The following EMC4 variants were observed in gnomAD, a reference collection of about 807,000 sequenced individuals.
The protein encoded by EMC4 is cell proliferation-inducing gene 17 protein.
A neutral mutation model predicts 24.2 loss-of-function variants in EMC4; 9 were observed. That is an observed-to-expected ratio of 0.37 (90% CI 0.22 to 0.65). The LOEUF (loss-of-function observed/expected upper bound fraction) is 0.65, where lower values mean the gene tolerates loss of function less well. EMC4 is among the 30% of genes least tolerant of loss of function. The pLI, the probability that EMC4 is intolerant of heterozygous loss-of-function variation, is 0.59. For synonymous variants in EMC4, 86 were observed against 81.1 expected, an observed-to-expected ratio of 1.06 and a Z score of -0.32; for missense variants, 169 against 234.6, an observed-to-expected ratio of 0.72 and a Z score of 1.83.
chr15:34,229,130 C>A lies in EMC4; in HGVS notation c.516+541C>A, dbSNP rs1890754229. 3 of 152,912 alleles carry A rather than the reference C, an allele frequency of 2.0e-5. No homozygotes were observed. The Admixed American group carries it at 2.0e-4, about 10-fold the overall frequency. The allele number at this position is 152,912 out of a possible 1,614,324, so 9.5% of individuals were successfully genotyped here. A position where few individuals can be genotyped will look rare whatever the true frequency, so the allele number is the denominator to read the frequency against. Reference sequence around the variant, plus strand: ...TGGTGTGATCTTGGCTCACTGCAACCTCCGCCCCCCAGGTTCAAGCGATTC... The same window carrying A: ...TGGTGTGATCTTGGCTCACTGCAACATCCGCCCCCCAGGTTCAAGCGATTC... On this transcript the variant is annotated intron_variant, in intron 4 of 4. Transcript: ENST00000267750.
Position 34,229,965 on chromosome 15 carries a change from A to G in EMC4, c.*177A>G. On this transcript the variant is annotated 3_prime_UTR_variant, in exon 5 of 5. Coordinates refer to ENST00000267750, the MANE Select transcript of EMC4 (RefSeq NM_016454.4). Reference sequence around the variant, plus strand: ...GAAGGACAATGTGCATATTACGACAAACACAAAGAAACTATACCATAACCC... The same window carrying G: ...GAAGGACAATGTGCATATTACGACAGACACAAAGAAACTATACCATAACCC... 1.5e-6 allele frequency: 1 copy of G among 651,536 alleles called. No individual in the cohort carries two copies. The highest frequency in any genetic ancestry group is 2.7e-6 in the Non-Finnish European group (1 of 369,418). 40.4% of individuals were successfully genotyped at this position (651,536 alleles called of 1,614,324 possible).
rs993004838 is a variant in EMC4 at position 34,225,414 on chromosome 15, G to A, written c.87-122G>A. On this transcript the variant is annotated intron_variant, in intron 1 of 4. Transcript: ENST00000267750. ...TCAAAGGACTGAGGAACATACGAGGGGGCTTGGTCTAATCTGAGTAGGTGC... is the reference window on the plus strand; with the variant it reads ...TCAAAGGACTGAGGAACATACGAGGAGGCTTGGTCTAATCTGAGTAGGTGC... 3.6e-6 allele frequency: 3 copies of A among 845,062 alleles called. No individual in the cohort carries two copies. In the African/African-American group the frequency reaches 5.1e-5, roughly 14 times the overall value. 52.3% of individuals were successfully genotyped at this position (845,062 alleles called of 1,614,324 possible).
chr15:34,229,675 G>GTATT lies in EMC4; in HGVS notation c.517-77_517-74dup, dbSNP rs145198381. 1.1e-3 allele frequency: 948 copies of GTATT among 834,560 alleles called. 18 individuals are homozygous for GTATT. The African/African-American group carries it at 0.014, about 13-fold the overall frequency. The allele number at this position is 834,560 out of a possible 1,614,324, so 51.7% of individuals were successfully genotyped here. On this transcript the variant is annotated intron_variant, in intron 4 of 4. Coordinates refer to ENST00000267750, the MANE Select transcript of EMC4 (RefSeq NM_016454.4). The stretch of plus-strand genomic sequence containing the variant: ...AGGCAAAATAGAGCTTGTGGTTAAA[G>GTATT]TATTAAGTAATTGATTCAGGAAGTT...
At position 34,230,038 on chromosome 15, in the gene EMC4, G is replaced by C; in HGVS notation, c.*250G>C. ...ACTTTATTTTTGTTTCCAGTACAGA[G>C]CAAAACAACAACAAAAAAACATAAC... is the stretch of plus-strand genomic sequence containing the variant. On this transcript the variant is annotated 3_prime_UTR_variant, in exon 5 of 5. Coordinates refer to ENST00000267750, the MANE Select transcript of EMC4 (RefSeq NM_016454.4). The C allele has an allele frequency of 4.3e-6, 2 of 464,678 alleles. No homozygotes were observed. Among genetic ancestry groups the C allele is most frequent in the Non-Finnish European group, 7.6e-6 (2 of 264,096 alleles). 28.8% of individuals were successfully genotyped at this position (464,678 alleles called of 1,614,324 possible). A position where few individuals can be genotyped will look rare whatever the true frequency, so the allele number is the denominator to read the frequency against.
intron 3 of EMC4, 52 bp from the exon 4 acceptor site, chr15:34,228,377 C>A: frequency 6.3e-7 from 1 of 1,583,244 alleles, no homozygotes; most frequent in East Asian, 2.2e-5. Context: ...TGGCTTGATT[C>A]GTATTGGGGG....
At chr15:34,227,106 A>G (rs1050001648) in intron 2 of EMC4, 1 of 146,576 alleles carries the variant, frequency 6.8e-6, no homozygotes, top group African/African-American at 2.7e-5. Context: ...GTTTTGTACA[A>G]TTTGCATTCT....
intron 2 of EMC4, 181 bp from the exon 3 acceptor site, chr15:34,227,512 C>T (rs977446292): frequency 7.2e-6 from 4 of 557,506 alleles, no homozygotes; most frequent in Non-Finnish European, 1.3e-5. Flanking sequence ...GATACTTTAT[C>T]TTGAGTAGGA....
chr15:34,229,570 C>T (rs543542661), intron 4 of EMC4, 183 bp from the exon 5 acceptor site: 66 of 549,250 alleles, frequency 1.2e-4, no homozygotes, highest in South Asian at 1.2e-3. Flanking sequence ...TGGGCTCAAG[C>T]GATCTGCCTG....
rs552491692 is a variant in EMC4 at position 34,230,039 on chromosome 15, C to A, written c.*251C>A. The A allele has an allele frequency of 4.9e-4, 228 of 460,980 alleles. No individual in the cohort carries two copies. Among genetic ancestry groups the A allele is most frequent in the Middle Eastern group, 3.9e-3 (7 of 1,794 alleles). The allele number at this position is 460,980 out of a possible 1,614,324, so 28.6% of individuals were successfully genotyped here. On this transcript the variant is annotated 3_prime_UTR_variant, in exon 5 of 5. Transcript: ENST00000267750. ...CTTTATTTTTGTTTCCAGTACAGAG[C>A]AAAACAACAACAAAAAAACATAACT...
rs113685460 is a variant in EMC4, at chr15:34,225,533, T to C, written c.87-3T>C. On this transcript the variant is annotated splice_region_variant and splice_polypyrimidine_tract_variant and intron_variant, in intron 1 of 4. Transcript: ENST00000267750. Reference sequence around the variant, plus strand: ...GCTTTAGTTTCTTGGTTTGGTTTTTTAGGGGTCGAAGTGACCGGGGCAGTG... The same window carrying C: ...GCTTTAGTTTCTTGGTTTGGTTTTTCAGGGGTCGAAGTGACCGGGGCAGTG... The C allele has an allele frequency of 6.2e-7, 1 of 1,612,910 alleles. No homozygotes were observed. The highest frequency in any genetic ancestry group is 8.5e-7 in the Non-Finnish European group (1 of 1,178,970).
chr15:34,227,575 C>A, intron 2 of EMC4, 118 bp from the exon 3 acceptor site: 3 of 1,095,558 alleles, frequency 2.7e-6, no homozygotes, highest in Admixed American at 3.7e-5. Flanking sequence ...ATTGAGGAGT[C>A]AGCTCAGTTA....
Position 34,225,131 on chromosome 15 carries a change from G to T in EMC4, c.17G>T (p.Gly6Val), listed in dbSNP as rs1449571358. The change falls in exon 1 of 5, where the codon GGC becomes GTC. Residue 6 changes from glycine to valine, a missense_variant. By Grantham distance (109) the Gly-to-Val change is moderately radical. Coordinates refer to ENST00000267750, the MANE Select transcript of EMC4 (RefSeq NM_016454.4). ...GCTGTTGCCATGACGGCCCAGGGGG[G>T]CCTGGTGGCTAACCGAGGCCGGCGC... MTAQG[G>V]LVANRGRRFK... 9 of 1,551,608 alleles carry T rather than the reference G, an allele frequency of 5.8e-6. No individual in the cohort carries two copies. In the Middle Eastern group the frequency reaches 5.0e-4, roughly 86 times the overall value.
rs931891378 is a variant in EMC4, at chr15:34,225,352, C to T, written c.86+152C>T. ...CGGCTTTTCTGCCGTGGAAGTTTCT[C>T]TGCTCAAACAATGCTTACATCAGTC... On this transcript the variant is annotated intron_variant, in intron 1 of 4. Transcript: ENST00000267750. 2.5e-5 allele frequency: 21 copies of T among 834,916 alleles called. 1 individual carries two copies. The highest frequency in any genetic ancestry group is 2.3e-4 in the Middle Eastern group (1 of 4,318). The allele number at this position is 834,916 out of a possible 1,614,324, so 51.7% of individuals were successfully genotyped here. A position where few individuals can be genotyped will look rare whatever the true frequency, so the allele number is the denominator to read the frequency against.
Position 34,229,953 on chromosome 15 carries a change from C to T in EMC4, c.*165C>T. On this transcript the variant is annotated 3_prime_UTR_variant, in exon 5 of 5. Transcript: ENST00000267750. ...TGACAGGTCCTAGAAGGACAATGTG[C>T]ATATTACGACAAACACAAAGAAACT... 1 of 672,220 alleles carries T rather than the reference C, an allele frequency of 1.5e-6. No homozygotes were observed. 41.6% of individuals were successfully genotyped at this position (672,220 alleles called of 1,614,324 possible). A position where few individuals can be genotyped will look rare whatever the true frequency, so the allele number is the denominator to read the frequency against.
rs1439057985 is a variant in EMC4, at chr15:34,225,166, G to A, written c.52G>A (p.Ala18Thr). 2 of 1,551,418 alleles carry A rather than the reference G, an allele frequency of 1.3e-6. No individual in the cohort carries two copies. The highest frequency in any genetic ancestry group is 2.7e-5 in the African/African-American group (2 of 73,060). ...TAACCGAGGCCGGCGCTTCAAGTGGGCCATTGAGCTAAGCGGGCCTGGAGG... is the reference window on the plus strand; with the variant it reads ...TAACCGAGGCCGGCGCTTCAAGTGGACCATTGAGCTAAGCGGGCCTGGAGG... ...VANRGRRFKW[A>T]IELSGPGGGS... Residue 18 changes from alanine to threonine, a missense_variant, in exon 1 of 5, where the codon GCC (alanine) becomes ACC (threonine). Physicochemically the swap from Ala to Thr is moderately conservative, Grantham distance 58 (BLOSUM62 0). Transcript: ENST00000267750.
chr15:34,227,430 T>C (rs920145628), intron 2 of EMC4: 1 of 332,970 alleles, frequency 3.0e-6, no homozygotes, highest in African/African-American at 2.1e-5. Context: ...AGCAGGGAGA[T>C]CTTTTTTCCA....
At chr15:34,227,309 C>G (rs73388003) in intron 2 of EMC4, 1 of 156,378 alleles carries the variant, frequency 6.4e-6, no homozygotes, top group Non-Finnish European at 1.4e-5. Context: ...TAAATTAGTT[C>G]GATGGTTCTA....
intron 2 of EMC4, chr15:34,226,890 C>T (rs1420999170): frequency 6.6e-6 from 1 of 152,170 alleles, no homozygotes; most frequent in Non-Finnish European, 1.5e-5. Context: ...ACTTTTGCAG[C>T]AACCTGGTAG....
chr15:34,225,800 A>T, intron 2 of EMC4, 150 bp downstream of exon 2: 1 of 706,500 alleles, frequency 1.4e-6, no homozygotes, highest in Non-Finnish European at 2.6e-6. Flanking sequence ...TATTTTATAT[A>T]TCAGCTACAA....
Sources: gnomAD v4.1 joint callset for allele counts on GRCh38, gnomAD v4.1.1 for gene constraint, MANE v1.5 for transcripts, NCBI Gene and HGNC (gene_info 2026-07-23, HGNC 2026-07-21) for gene names.